The following RAPGEF1 variants were observed in gnomAD, a reference collection of about 807,000 sequenced individuals.
RAPGEF1 encodes CRK SH3-binding GNRP.
Under a neutral mutation model 143.3 loss-of-function variants are expected in RAPGEF1, and 33 were observed. The ratio of observed to expected loss-of-function variants is 0.23; its 90% CI spans 0.17 to 0.31. The LOEUF is 0.31. Ranked by LOEUF, RAPGEF1 falls within the 10% of genes least tolerant of loss-of-function variation. The pLI is 1.00. For missense variants in RAPGEF1, 1,199 were observed against 1,645.4 expected (o/e 0.73, Z 4.69); for synonymous variants, 629 against 676.5 (o/e 0.93, Z 1.09).
At chr9:131,725,940 T>G (rs1362611192) in intron 1 of RAPGEF1, among the ~76,000 whole-genome samples, 3 of 151,886 alleles carry the variant, frequency 2.0e-5, no homozygotes, top group Non-Finnish European at 2.9e-5. Context: ...TTGTATTTTT[T>G]AGTAGAGACG....
Position 131,664,152 on chromosome 9 carries a change from G to A in RAPGEF1, c.62-13203C>T, listed in dbSNP as rs139174877. Reference sequence around the variant, plus strand: ...TTAGCCCATCTCCAGTGTTACTGAGGAGTCTCCATCAATCTTTGAATACTT... The same window carrying A: ...TTAGCCCATCTCCAGTGTTACTGAGAAGTCTCCATCAATCTTTGAATACTT... On this transcript the variant is annotated intron_variant, in intron 1 of 26. Coordinates refer to ENST00000683357, the MANE Select transcript of RAPGEF1 (RefSeq NM_001377935.1). Among the ~76,000 whole-genome samples, 512 of 152,248 alleles carry A rather than the reference G, an allele frequency of 3.4e-3. 2 individuals are homozygous for A. Among genetic ancestry groups the A allele is most frequent in the Non-Finnish European group, 5.7e-3 (390 of 68,014 alleles).
intron 1 of RAPGEF1, among the ~76,000 whole-genome samples, chr9:131,712,586 C>T (rs1023026431): frequency 6.6e-6 from 1 of 152,198 alleles, no homozygotes; most frequent in Non-Finnish European, 1.5e-5. Context: ...GGCAGCTCCT[C>T]CTGGCGCCTG....
intron 5 of RAPGEF1, among the ~76,000 whole-genome samples, chr9:131,636,076 G>A (rs1197675977): frequency 6.6e-6 from 1 of 152,118 alleles, no homozygotes; most frequent in East Asian, 1.9e-4. Flanking sequence ...AAGCGTCTCT[G>A]ACCACCCTGA....
At chr9:131,649,611 G>A (rs1970579276) in intron 3 of RAPGEF1, among the ~76,000 whole-genome samples, 1 of 152,062 alleles carries the variant, frequency 6.6e-6, no homozygotes, top group Non-Finnish European at 1.5e-5. Flanking sequence ...CAAGTAAGAG[G>A]ACACATGTAA....
At chr9:131,730,695 C>A (rs1836997238) in intron 1 of RAPGEF1, among the ~76,000 whole-genome samples, 1 of 14,398 alleles carries the variant, frequency 6.9e-5, no homozygotes, top group African/African-American at 2.5e-4. Flanking sequence ...GAGACTCCAT[C>A]TCAAAAAAAA....
intron 3 of RAPGEF1, among the ~76,000 whole-genome samples, chr9:131,648,323 G>A (rs1294197601): frequency 6.6e-6 from 1 of 152,158 alleles, no homozygotes; most frequent in African/African-American, 2.4e-5. Context: ...CCTGGGAGGC[G>A]GAGATTGCAG....
intron 1 of RAPGEF1, among the ~76,000 whole-genome samples, chr9:131,734,783 G>A (rs1357370235): frequency 6.6e-6 from 1 of 152,182 alleles, no homozygotes; most frequent in East Asian, 1.9e-4. Context: ...ACAAAAATGT[G>A]ACCATGAAAT....
At chr9:131,737,950 AG>A (rs1837528394) in intron 1 of RAPGEF1, among the ~76,000 whole-genome samples, 1 of 147,332 alleles carries the variant, frequency 6.8e-6, no homozygotes, top group Non-Finnish European at 1.5e-5. Context: ...CCTGGGCAAC[AG>A]AGCAAGACTC....
rs375961565 is a variant in RAPGEF1 at position 131,580,348 on chromosome 9, G to A, written c.3556C>T (p.Pro1186Ser). ...QDLTFVHLGN[P>S]DYIDGKVNFS... Reference sequence around the variant, plus strand: ...TTCACTTTCCCGTCGATGTAGTCTGGGTTTCCCAGGTGAACGAAGGTCAGG... The same window carrying A: ...TTCACTTTCCCGTCGATGTAGTCTGAGTTTCCCAGGTGAACGAAGGTCAGG... Residue 1186 changes from proline (P) to serine (S), a missense_variant, in exon 26 of 27, where the codon CCA (proline) becomes TCA (serine). By Grantham distance (74) the Pro-to-Ser change is moderately conservative. Coordinates refer to ENST00000683357, the MANE Select transcript of RAPGEF1 (RefSeq NM_001377935.1). 7 of 1,613,856 alleles carry A rather than the reference G, an allele frequency of 4.3e-6. No individual in the cohort carries two copies. The highest frequency in any genetic ancestry group is 5.9e-6 in the Non-Finnish European group (7 of 1,179,874).
At chr9:131,662,556 T>A (rs1829730094) in intron 1 of RAPGEF1, among the ~76,000 whole-genome samples, 2 of 151,530 alleles carry the variant, frequency 1.3e-5, no homozygotes, top group Admixed American at 6.6e-5. Flanking sequence ...ATTTTGTTTT[T>A]TTTTTTTTTG....
At chr9:131,708,198 ATT>A (rs1036841134) in intron 1 of RAPGEF1, among the ~76,000 whole-genome samples, 6 of 152,182 alleles carry the variant, frequency 3.9e-5, no homozygotes, top group Admixed American at 2.0e-4. Context: ...TCTTCCAGTT[ATT>A]TGTTTTCTTT....
chr9:131,627,718 A>G (rs1417202165), intron 9 of RAPGEF1, among the ~76,000 whole-genome samples, 195 bp downstream of exon 9: 2 of 152,192 alleles, frequency 1.3e-5, no homozygotes, highest in African/African-American at 4.8e-5. Flanking sequence ...GATTTCATTT[A>G]CATGCTCAAC....
chr9:131,613,912 T>TA (rs984633052), intron 12 of RAPGEF1, among the ~76,000 whole-genome samples: 7 of 152,174 alleles, frequency 4.6e-5, no homozygotes, highest in Non-Finnish European at 1.0e-4. Flanking sequence ...ATTGTGCTGC[T>TA]AAACCCCCAA....
intron 25 of RAPGEF1, among the ~76,000 whole-genome samples, chr9:131,580,967 A>C (rs1241088735): frequency 1.3e-5 from 2 of 152,046 alleles, no homozygotes; most frequent in Non-Finnish European, 2.9e-5. Flanking sequence ...CAACATGGTG[A>C]AACCCTGTCT....
At chr9:131,672,505 A>G (rs559957353) in intron 1 of RAPGEF1, among the ~76,000 whole-genome samples, 47 of 152,304 alleles carry the variant, frequency 3.1e-4, no homozygotes, top group African/African-American at 1.1e-3. Flanking sequence ...GACCCAGGAC[A>G]CTGGGCTTCA....
rs538977589 is a variant in RAPGEF1, at chr9:131,641,266, G to C, written c.494+1973C>G. 6.6e-6 allele frequency among the ~76,000 whole-genome samples: 1 copy of C among 152,218 alleles called. No homozygotes were observed. The highest frequency in any genetic ancestry group is 1.9e-4 in the East Asian group (1 of 5,158). Reference sequence around the variant, plus strand: ...GCCTGAGGGTGCAGGGTGATCAGTCGCCTCTTCCCACTGTTCCCCTCTCGT... The same window carrying C: ...GCCTGAGGGTGCAGGGTGATCAGTCCCCTCTTCCCACTGTTCCCCTCTCGT... On this transcript the variant is annotated intron_variant, in intron 4 of 26. Coordinates refer to ENST00000683357, the MANE Select transcript of RAPGEF1 (RefSeq NM_001377935.1). The surrounding 1 kb of genome is among the most constrained non-coding windows in gnomAD (Gnocchi z 4.6).
chr9:131,705,420 T>C (rs1012839412), intron 1 of RAPGEF1, among the ~76,000 whole-genome samples: 1 of 152,040 alleles, frequency 6.6e-6, no homozygotes, highest in African/African-American at 2.4e-5. Context: ...TGCAGTCATT[T>C]GGAACAGGCC....
chr9:131,718,231 GC>G (rs1468545406), intron 1 of RAPGEF1, among the ~76,000 whole-genome samples: 1 of 152,194 alleles, frequency 6.6e-6, no homozygotes, highest in African/African-American at 2.4e-5. Context: ...TGGAAGAAGA[GC>G]ACAAAAGCCA....
intron 1 of RAPGEF1, among the ~76,000 whole-genome samples, chr9:131,738,092 G>C (rs1837538151): frequency 6.6e-6 from 1 of 152,142 alleles, no homozygotes; most frequent in African/African-American, 2.4e-5. Flanking sequence ...AGGGATTACA[G>C]GCGTGAGCCA....
Sources: allele counts gnomAD v4.1 joint callset (sites outside exome capture counted in the v4.1 genomes callset), GRCh38; gene constraint gnomAD v4.1.1; non-coding constraint Gnocchi (gnomAD v3.1); transcripts MANE v1.5; gene names NCBI Gene and HGNC (gene_info 2026-07-23, HGNC 2026-07-21).